Variants in UTRN observed in about 807,000 individuals in gnomAD.
UTRN encodes utrophin, also known as dystrophin-related protein 1.
UTRN carries 283 observed loss-of-function variants against 463.9 expected under a neutral mutation model. The observed-to-expected ratio is 0.61, with a 90% CI of 0.55 to 0.67. The LOEUF (loss-of-function observed/expected upper bound fraction) is 0.67. Among genes scored for constraint, UTRN ranks in the 30% least tolerant of loss-of-function variants. The pLI, the probability that UTRN is intolerant of heterozygous loss-of-function variation, is 0.00. For synonymous variants in UTRN, 1,442 were observed against 1,431.5 expected, an observed-to-expected ratio of 1.01 and a Z score of -0.17; for missense variants, 3,922 against 4,084.3, an observed-to-expected ratio of 0.96 and a Z score of 1.08.
rs777264117 is a variant in UTRN at position 144,482,325 on chromosome 6, T to A, written c.3624T>A (p.Asn1208Lys). 1.2e-6 allele frequency: 2 copies of A among 1,607,908 alleles called. No individual in the cohort carries two copies. The highest frequency in any genetic ancestry group is 1.3e-5 in the African/African-American group (1 of 74,840). ...SGGQELTSEL[N>K]VVLENYQLLC... ...GCCAGGAGTTGACGTCTGAGCTGAA[T>A]GTTGTGCTGGAGAATTACCAACTTC... is the stretch of plus-strand genomic sequence containing the variant. The change falls in exon 27 of 75, where the codon AAT becomes AAA. Residue 1208 changes from asparagine (N) to lysine (K), a missense_variant. Transcript: ENST00000367545.
At chr6:144,516,577 C>T (rs1033582047) in intron 38 of UTRN, among the ~76,000 whole-genome samples, 190 bp downstream of exon 38, 3 of 151,854 alleles carry the variant, frequency 2.0e-5, no homozygotes, top group Non-Finnish European at 4.4e-5. Context: ...GACTCAGTTT[C>T]TGAACTAGAC....
intron 53 of UTRN, among the ~76,000 whole-genome samples, chr6:144,703,900 C>T (rs916851277): frequency 6.6e-6 from 1 of 152,084 alleles, no homozygotes; most frequent in African/African-American, 2.4e-5. Flanking sequence ...TTTTATAACT[C>T]ATTGCTGAGT....
intron 2 of UTRN, among the ~76,000 whole-genome samples, chr6:144,378,106 T>G: frequency 6.6e-6 from 1 of 152,228 alleles, no homozygotes; most frequent in East Asian, 1.9e-4. Context: ...TGCCAAGAAT[T>G]AAAGGATCCT....
intron 65 of UTRN, among the ~76,000 whole-genome samples, chr6:144,803,485 A>G (rs554022753): frequency 5.3e-5 from 8 of 152,144 alleles, no homozygotes; most frequent in African/African-American, 1.9e-4. Context: ...TCATATTAGC[A>G]AAATACAGAA....
chr6:144,692,048 C>T (rs1783472795), intron 52 of UTRN, among the ~76,000 whole-genome samples: 2 of 152,204 alleles, frequency 1.3e-5, no homozygotes, highest in Admixed American at 6.5e-5. Context: ...CTCCCATCTT[C>T]CATCCTCTGA....
intron 2 of UTRN, chr6:144,344,427 A>G (rs1777401142): frequency 1.6e-5 from 18 of 1,129,938 alleles, no homozygotes; most frequent in Non-Finnish European, 2.0e-5. Flanking sequence ...TGGTGACGGG[A>G]ACAGACAGCC....
chr6:144,658,254 T>C (rs1181499716), intron 51 of UTRN, among the ~76,000 whole-genome samples: 5 of 152,252 alleles, frequency 3.3e-5, no homozygotes, highest in East Asian at 3.9e-4. Context: ...TATGAAAAAA[T>C]AATGAAAATA....
chr6:144,559,493 A>G (rs1799673536), intron 50 of UTRN, among the ~76,000 whole-genome samples: 1 of 152,158 alleles, frequency 6.6e-6, no homozygotes, highest in South Asian at 2.1e-4. Flanking sequence ...TAACTATTTT[A>G]AATGGACATC....
intron 51 of UTRN, among the ~76,000 whole-genome samples, chr6:144,592,458 C>T (rs1201485616): frequency 1.3e-5 from 2 of 152,132 alleles, no homozygotes; most frequent in Non-Finnish European, 2.9e-5. Flanking sequence ...GCTACTTCCA[C>T]CTCCCAGGTT....
At chr6:144,379,108 T>C (rs926736265) in intron 2 of UTRN, among the ~76,000 whole-genome samples, 4 of 152,188 alleles carry the variant, frequency 2.6e-5, no homozygotes, top group African/African-American at 9.7e-5. Context: ...GCTATCTCAG[T>C]GGAGATGTCA....
chr6:144,587,341 C>G (rs144187835), intron 51 of UTRN, among the ~76,000 whole-genome samples: 13 of 152,266 alleles, frequency 8.5e-5, no homozygotes, highest in African/African-American at 3.1e-4. Context: ...TGGGAAGTCA[C>G]GATTGACCAG....
At chr6:144,783,459 A>C (rs1776032878) in intron 61 of UTRN, among the ~76,000 whole-genome samples, 1 of 152,186 alleles carries the variant, frequency 6.6e-6, no homozygotes. Context: ...TACATGTAAT[A>C]ACTGTACATA....
chr6:144,543,985 C>G (rs771582744), intron 46 of UTRN, among the ~76,000 whole-genome samples: 1 of 152,158 alleles, frequency 6.6e-6, no homozygotes, highest in Admixed American at 6.5e-5. Context: ...AATACAGGCT[C>G]AACTCCATAA....
chr6:144,358,677 C>T (rs763656827), intron 2 of UTRN, among the ~76,000 whole-genome samples: 1 of 152,078 alleles, frequency 6.6e-6, no homozygotes, highest in Non-Finnish European at 1.5e-5. Context: ...CACTATGTTA[C>T]CCAGGAAGGC....
chr6:144,407,200 A>G (rs1000356384), intron 3 of UTRN, among the ~76,000 whole-genome samples: 2 of 152,030 alleles, frequency 1.3e-5, no homozygotes, highest in African/African-American at 4.8e-5. Context: ...GGGACTTTCT[A>G]TTTGCTTATT....
At chr6:144,818,387 T>C (rs1391344441) in intron 65 of UTRN, among the ~76,000 whole-genome samples, 1 of 152,140 alleles carries the variant, frequency 6.6e-6, no homozygotes, top group Non-Finnish European at 1.5e-5. Flanking sequence ...GTGTAAACTG[T>C]ACCTTACCCT....
intron 37 of UTRN, among the ~76,000 whole-genome samples, chr6:144,515,999 T>C (rs1795580015): frequency 6.6e-6 from 1 of 152,170 alleles, no homozygotes; most frequent in Non-Finnish European, 1.5e-5. Context: ...CACAATGAAT[T>C]GCAATACTAC....
chr6:144,508,054 A>C (rs1225787310), intron 34 of UTRN, among the ~76,000 whole-genome samples: 1 of 152,112 alleles, frequency 6.6e-6, no homozygotes, highest in South Asian at 2.1e-4. Flanking sequence ...AAAACTGCCT[A>C]CTCAAGCCTC....
At position 144,803,642 on chromosome 6, in the gene UTRN, G is replaced by A. The variant is rs553909475; in HGVS notation, c.9357+495G>A. ...TATTTTTCACTCGACATTCCATTTCGTCACACAGTGTAATTTTTTTTAGTC... is the reference window on the plus strand; with the variant it reads ...TATTTTTCACTCGACATTCCATTTCATCACACAGTGTAATTTTTTTTAGTC... On this transcript the variant is annotated intron_variant, in intron 65 of 74. Coordinates refer to ENST00000367545, the MANE Select transcript of UTRN (RefSeq NM_007124.3). 2.3e-4 allele frequency among the ~76,000 whole-genome samples: 35 copies of A among 151,332 alleles called. 1 individual carries two copies. In the South Asian group the frequency reaches 4.4e-3, roughly 19 times the overall value.
Sources: gnomAD v4.1 joint callset for allele counts (sites outside exome capture counted in the v4.1 genomes callset) on GRCh38, gnomAD v4.1.1 for gene constraint, MANE v1.5 for transcripts, NCBI Gene and HGNC (gene_info 2026-07-23, HGNC 2026-07-21) for gene names.